Variants in FHIT observed in about 807,000 individuals in gnomAD.
FHIT encodes the protein fragile histidine triad diadenosine triphosphatase, also known as bis(5'-adenosyl)-triphosphatase.
FHIT carries 19 observed loss-of-function variants against 17.9 expected under a neutral mutation model. The observed-to-expected ratio is 1.06, with a 90% CI of 0.74 to 1.56. The LOEUF (loss-of-function observed/expected upper bound fraction) is 1.56, where lower values mean the gene tolerates loss of function less well. Among genes scored for constraint, FHIT ranks in the 40% most tolerant of loss-of-function variants. FHIT has a pLI of 0.00. For synonymous variants in FHIT, 81 were observed against 69.7 expected (o/e 1.16, Z -0.81); for missense variants, 248 against 189.2 (o/e 1.31, Z -1.82).
intron 2 of FHIT, among the ~76,000 whole-genome samples, chr3:61,141,517 T>C (rs550700649): frequency 6.9e-6 from 1 of 144,504 alleles, no homozygotes; most frequent in South Asian, 2.1e-4. Context: ...GATCCGTTCA[T>C]TTGAAAGTCA....
intron 4 of FHIT, among the ~76,000 whole-genome samples, chr3:60,643,315 T>C (rs1224553378): frequency 2.6e-5 from 4 of 151,696 alleles, no homozygotes; most frequent in Admixed American, 6.6e-5. Context: ...ATTGTGAAAA[T>C]GACCATATTT....
intron 4 of FHIT, among the ~76,000 whole-genome samples, chr3:60,805,655 G>A (rs573044903): frequency 4.0e-5 from 6 of 151,884 alleles, no homozygotes; most frequent in South Asian, 2.1e-4. Context: ...TCCTGGGTTC[G>A]TGCCATTCTC....
chr3:59,843,749 A>C (rs530392730), intron 8 of FHIT, among the ~76,000 whole-genome samples: 5 of 151,566 alleles, frequency 3.3e-5, no homozygotes, highest in African/African-American at 1.2e-4. Context: ...GCTTTGTTGA[A>C]TTCATTTATT....
At chr3:60,069,701 G>T (rs1702680856) in intron 5 of FHIT, among the ~76,000 whole-genome samples, 1 of 152,246 alleles carries the variant, frequency 6.6e-6, no homozygotes, top group African/African-American at 2.4e-5. Context: ...GACATTCTGT[G>T]CCATAAAGAG....
At chr3:60,047,694 A>G (rs991244248) in intron 5 of FHIT, among the ~76,000 whole-genome samples, 2 of 152,190 alleles carry the variant, frequency 1.3e-5, no homozygotes, top group Non-Finnish European at 2.9e-5. Context: ...GGCAATAATT[A>G]TTTCCATTCA....
intron 8 of FHIT, among the ~76,000 whole-genome samples, chr3:59,884,508 T>C (rs1463117451): frequency 6.6e-6 from 1 of 152,142 alleles, no homozygotes; most frequent in Non-Finnish European, 1.5e-5. Context: ...TTTATTATGG[T>C]TGGAAACTAG....
chr3:60,743,020 C>A (rs1318070337), intron 4 of FHIT, among the ~76,000 whole-genome samples: 1 of 152,198 alleles, frequency 6.6e-6, no homozygotes, highest in Non-Finnish European at 1.5e-5. Context: ...GAAGAGCTAA[C>A]GCTAGGAGAG....
At position 59,786,705 on chromosome 3, in the gene FHIT, G is replaced by C. The variant is rs145682255; in HGVS notation, c.349-34384C>G. 2.5e-3 allele frequency among the ~76,000 whole-genome samples: 381 copies of C among 152,298 alleles called. 1 individual carries two copies. The highest frequency in any genetic ancestry group is 8.9e-3 in the African/African-American group (368 of 41,562). ...TCCTTTGCAATTTGCACAGCCTCTT[G>C]TTGGAAACTATGGAGATTATGCCAT... On this transcript the variant is annotated intron_variant, in intron 8 of 9. Transcript: ENST00000492590.
chr3:60,133,263 G>A (rs9682987), intron 5 of FHIT, among the ~76,000 whole-genome samples: 13,985 of 152,128 alleles, frequency 0.092, 729 homozygotes, highest in African/African-American at 0.13. Flanking sequence ...AAAGTTCTCC[G>A]TGTTTCTGCC....
At chr3:60,042,177 A>G (rs112156139) in intron 5 of FHIT, among the ~76,000 whole-genome samples, 3 of 152,336 alleles carry the variant, frequency 2.0e-5, no homozygotes, top group African/African-American at 7.2e-5. Flanking sequence ...AGGAAAAGGC[A>G]TTAGAAATTT....
intron 8 of FHIT, among the ~76,000 whole-genome samples, chr3:59,876,250 G>A (rs559807142): frequency 1.3e-5 from 2 of 152,056 alleles, no homozygotes; most frequent in African/African-American, 4.8e-5. Context: ...TCATTAATTA[G>A]GTATCTGAAT....
At chr3:60,568,982 T>TC (rs949328254) in intron 4 of FHIT, among the ~76,000 whole-genome samples, 3 of 151,618 alleles carry the variant, frequency 2.0e-5, no homozygotes, top group African/African-American at 7.3e-5. Context: ...GAGATTCTTT[T>TC]TTTTTTTTTC....
chr3:61,202,052 A>G (rs1191368193), intron 1 of FHIT, among the ~76,000 whole-genome samples: 2 of 148,690 alleles, frequency 1.3e-5, no homozygotes, highest in Non-Finnish European at 1.5e-5. Flanking sequence ...CTACATATAT[A>G]TACACGCACA....
intron 5 of FHIT, among the ~76,000 whole-genome samples, chr3:60,288,168 G>A (rs1453175805): frequency 6.6e-6 from 1 of 152,176 alleles, no homozygotes; most frequent in Non-Finnish European, 1.5e-5. Flanking sequence ...TTCCTTGCTA[G>A]AGGAAGCTCT....
chr3:60,956,430 T>C (rs1223736412), intron 3 of FHIT, among the ~76,000 whole-genome samples: 1 of 152,206 alleles, frequency 6.6e-6, no homozygotes, highest in Non-Finnish European at 1.5e-5. Flanking sequence ...CTTGTGTCTC[T>C]ACTTCTTTCT....
intron 4 of FHIT, among the ~76,000 whole-genome samples, chr3:60,647,775 G>A (rs1326066879): frequency 6.6e-6 from 1 of 152,124 alleles, no homozygotes; most frequent in African/African-American, 2.4e-5. Context: ...ATGTTTTACA[G>A]AAATATGTAG....
intron 8 of FHIT, among the ~76,000 whole-genome samples, chr3:59,769,535 C>A (rs1701969495): frequency 6.6e-6 from 1 of 152,138 alleles, no homozygotes; most frequent in Non-Finnish European, 1.5e-5. Flanking sequence ...CTCTGCTCAC[C>A]ACGTATTACA....
At chr3:60,506,855 T>A (rs1220407062) in intron 5 of FHIT, among the ~76,000 whole-genome samples, 4 of 152,170 alleles carry the variant, frequency 2.6e-5, no homozygotes, top group Non-Finnish European at 5.9e-5. Flanking sequence ...ATGAATGATG[T>A]TGTTGTAAAC....
At chr3:60,459,015 C>G (rs760928531) in intron 5 of FHIT, among the ~76,000 whole-genome samples, 6 of 152,032 alleles carry the variant, frequency 3.9e-5, no homozygotes, top group Non-Finnish European at 8.8e-5. Context: ...CTCCTGGGCT[C>G]AAGCGATCCT....
Sources: gnomAD v4.1 joint callset for allele counts (sites outside exome capture counted in the v4.1 genomes callset) on GRCh38, gnomAD v4.1.1 for gene constraint, MANE v1.5 for transcripts, NCBI Gene and HGNC (gene_info 2026-07-23, HGNC 2026-07-21) for gene names.